The following ADGRL3 variants were observed in gnomAD, a reference collection of about 807,000 sequenced individuals.
ADGRL3 encodes adhesion G protein-coupled receptor L3.
Under a neutral mutation model 153.5 loss-of-function variants are expected in ADGRL3, and 62 were observed. That is an observed-to-expected ratio of 0.40 (90% CI 0.33 to 0.50). The LOEUF (loss-of-function observed/expected upper bound fraction) is 0.50. ADGRL3 is among the 20% of genes least tolerant of loss of function. The pLI, the probability that ADGRL3 is intolerant of heterozygous loss-of-function variation, is 0.47. For missense variants in ADGRL3, 1,641 were observed against 1,859.4 expected, an observed-to-expected ratio of 0.88 and a Z score of 2.16; for synonymous variants, 710 against 672.5, an observed-to-expected ratio of 1.06 and a Z score of -0.86.
chr4:61,829,701 TA>T (rs1554041585), intron 9 of ADGRL3, among the ~76,000 whole-genome samples: 1 of 152,146 alleles, frequency 6.6e-6, no homozygotes, highest in East Asian at 1.9e-4. Context: ...CCACTTTTTT[TA>T]AAAAAAGAAC....
rs149081335 is a variant in ADGRL3, at chr4:61,396,191, AG to A, written c.-174+13003del. Among the ~76,000 whole-genome samples the A allele has an allele frequency of 7.7e-3, 1,165 of 152,114 alleles. 22 individuals are homozygous for A. Among genetic ancestry groups the A allele is most frequent in the African/African-American group, 0.026 (1,097 of 41,560 alleles). ...ATGTCATCTAGTACAACATCCTTTT[AG>A]CTTTAGATGTAGCAGAAAGTGAACT... On this transcript the variant is annotated intron_variant, in intron 2 of 26. Coordinates refer to ENST00000683033, the MANE Select transcript of ADGRL3 (RefSeq NM_001387552.1).
At chr4:61,591,094 C>T (rs2098967267) in intron 5 of ADGRL3, among the ~76,000 whole-genome samples, 1 of 152,122 alleles carries the variant, frequency 6.6e-6, no homozygotes, top group Non-Finnish European at 1.5e-5. Context: ...TCTGCACCAG[C>T]CATATTCCTT....
intron 1 of ADGRL3, among the ~76,000 whole-genome samples, chr4:61,294,341 G>T (rs897810315): frequency 1.3e-5 from 2 of 152,124 alleles, no homozygotes; most frequent in African/African-American, 4.8e-5. Context: ...TTATAAAGTA[G>T]GATTTGTGTT....
chr4:61,490,850 C>G (rs2098250234), intron 2 of ADGRL3, among the ~76,000 whole-genome samples: 1 of 151,988 alleles, frequency 6.6e-6, no homozygotes, highest in South Asian at 2.1e-4. Context: ...CACATGCACT[C>G]TGTAAATTGA....
intron 6 of ADGRL3, among the ~76,000 whole-genome samples, chr4:61,701,946 A>G (rs2095770518): frequency 6.6e-6 from 1 of 152,124 alleles, no homozygotes; most frequent in African/African-American, 2.4e-5. Context: ...TAAGTCTGGC[A>G]TGAGGATAAG....
At chr4:61,399,283 A>C (rs568062610) in intron 2 of ADGRL3, among the ~76,000 whole-genome samples, 73 of 151,838 alleles carry the variant, frequency 4.8e-4, no homozygotes, top group African/African-American at 1.6e-3. Context: ...ATTTTAAAAT[A>C]TCTTTTACAG....
intron 8 of ADGRL3, among the ~76,000 whole-genome samples, chr4:61,789,783 C>A (rs1316658981): frequency 6.6e-6 from 1 of 152,104 alleles, no homozygotes; most frequent in Non-Finnish European, 1.5e-5. Context: ...TATACTAGAA[C>A]ATACATTATG....
intron 1 of ADGRL3, among the ~76,000 whole-genome samples, chr4:61,259,544 C>G (rs891379116): frequency 1.3e-5 from 2 of 152,108 alleles, no homozygotes; most frequent in African/African-American, 2.4e-5. Flanking sequence ...GCAAACTCAA[C>G]AAAGCAATTG....
At chr4:61,407,051 CT>C (rs1272557651) in intron 2 of ADGRL3, among the ~76,000 whole-genome samples, 2 of 151,982 alleles carry the variant, frequency 1.3e-5, no homozygotes, top group Non-Finnish European at 2.9e-5. Context: ...CTAAGGCATT[CT>C]AAGTTAGGCA....
intron 1 of ADGRL3, among the ~76,000 whole-genome samples, chr4:61,378,484 C>G (rs2096630641): frequency 6.6e-6 from 1 of 151,914 alleles, no homozygotes; most frequent in Admixed American, 6.6e-5. Context: ...TGAGTCTGTG[C>G]AAAAACAGTT....
intron 1 of ADGRL3, among the ~76,000 whole-genome samples, chr4:61,328,191 A>G (rs2095501754): frequency 6.6e-6 from 1 of 152,190 alleles, no homozygotes; most frequent in Non-Finnish European, 1.5e-5. Context: ...TGTGCCTAGT[A>G]AATTAAATCT....
At chr4:61,293,068 C>G (rs1241578742) in intron 1 of ADGRL3, among the ~76,000 whole-genome samples, 1 of 152,116 alleles carries the variant, frequency 6.6e-6, no homozygotes, top group African/African-American at 2.4e-5. Context: ...TGAACACTTG[C>G]CTTAGCAGAG....
At chr4:61,677,687 T>C (rs1415003934) in intron 6 of ADGRL3, among the ~76,000 whole-genome samples, 1 of 152,046 alleles carries the variant, frequency 6.6e-6, no homozygotes, top group Non-Finnish European at 1.5e-5. Flanking sequence ...TCATAATAGA[T>C]ATTCAGCTTA....
chr4:61,565,743 G>A (rs1402835145), intron 4 of ADGRL3, among the ~76,000 whole-genome samples: 4 of 151,962 alleles, frequency 2.6e-5, no homozygotes, highest in African/African-American at 9.7e-5. Context: ...TCGCCATGTT[G>A]GCCAGGCTGG....
chr4:61,517,550 G>A (rs922369343), intron 4 of ADGRL3, 32 bp downstream of exon 4: 3 of 697,966 alleles, frequency 4.3e-6, no homozygotes, highest in Admixed American at 2.0e-5. Context: ...GAGGGCTGGG[G>A]GTGGCTGGGC....
intron 9 of ADGRL3, among the ~76,000 whole-genome samples, chr4:61,860,538 A>T (rs1448141311): frequency 6.6e-6 from 1 of 151,898 alleles, no homozygotes; most frequent in Non-Finnish European, 1.5e-5. Flanking sequence ...GACTTTTATG[A>T]TGCTGGCATC....
intron 8 of ADGRL3, among the ~76,000 whole-genome samples, chr4:61,758,425 C>T (rs140973041): frequency 1.3e-5 from 2 of 152,142 alleles, no homozygotes; most frequent in African/African-American, 2.4e-5. Context: ...ATCCCTTTAC[C>T]ATTATGTAAT....
chr4:61,694,778 T>C (rs1389360459), intron 6 of ADGRL3, among the ~76,000 whole-genome samples: 1 of 152,220 alleles, frequency 6.6e-6, no homozygotes, highest in Admixed American at 6.5e-5. Context: ...ACAGAAGAAC[T>C]GTCAAAATTG....
At chr4:61,499,315 C>A (rs1353784689) in intron 3 of ADGRL3, among the ~76,000 whole-genome samples, 1 of 152,172 alleles carries the variant, frequency 6.6e-6, no homozygotes, top group African/African-American at 2.4e-5. Context: ...TCTCAACCAT[C>A]TTGTTTTAAG....
Sources: allele counts gnomAD v4.1 joint callset (sites outside exome capture counted in the v4.1 genomes callset), GRCh38; gene constraint gnomAD v4.1.1; transcripts MANE v1.5; gene names NCBI Gene and HGNC (gene_info 2026-07-23, HGNC 2026-07-21).